Variants in PRKCH observed in about 807,000 individuals in gnomAD.
PRKCH encodes protein kinase C eta.
In PRKCH, 28 loss-of-function variants were observed where a neutral mutation model predicts 82.5. The ratio of observed to expected loss-of-function variants is 0.34; its 90% CI spans 0.25 to 0.47. The LOEUF (loss-of-function observed/expected upper bound fraction) is 0.47. Ranked by LOEUF, PRKCH falls within the 20% of genes least tolerant of loss-of-function variation. PRKCH has a pLI of 1.00. For synonymous variants in PRKCH, 322 were observed against 327.4 expected (o/e 0.98, Z 0.18); for missense variants, 705 against 881.8 (o/e 0.80, Z 2.54).
chr14:61,295,138 T>G (rs1446462356), intron 1 of PRKCH, among the ~76,000 whole-genome samples: 1 of 152,218 alleles, frequency 6.6e-6, no homozygotes, highest in Non-Finnish European at 1.5e-5. Context: ...AGTGTTGTGA[T>G]TACAGCCATG....
chr14:61,355,287 T>C (rs1283767944), intron 1 of PRKCH, among the ~76,000 whole-genome samples: 1 of 152,148 alleles, frequency 6.6e-6, no homozygotes, highest in Non-Finnish European at 1.5e-5. Context: ...ACCATTATCA[T>C]TCACCTTTTT....
intron 6 of PRKCH, chr14:61,452,830 T>A (rs926935662): frequency 3.1e-5 from 7 of 225,800 alleles, no homozygotes; most frequent in African/African-American, 1.7e-4. Flanking sequence ...ATTTCACTGT[T>A]GAGAGACAGA....
chr14:61,262,213 T>A (rs1194106938), intron 1 of PRKCH, among the ~76,000 whole-genome samples: 1 of 74,936 alleles, frequency 1.3e-5, no homozygotes, highest in African/African-American at 7.2e-5. Context: ...AGAGTGAGAC[T>A]CTGTATAAAA....
chr14:61,528,737 T>G, intron 10 of PRKCH: 3 of 170,714 alleles, frequency 1.8e-5, no homozygotes, highest in East Asian at 1.7e-4. Flanking sequence ...GAGTGGAGGA[T>G]GGGGTATAGG....
chr14:61,474,003 A>C (rs1032191409), intron 9 of PRKCH, among the ~76,000 whole-genome samples: 1 of 152,112 alleles, frequency 6.6e-6, no homozygotes, highest in African/African-American at 2.4e-5. Flanking sequence ...TAAAAAAAAA[A>C]AAAATCAAAA....
At chr14:61,224,908 C>T (rs1594860558) in intron 1 of PRKCH, among the ~76,000 whole-genome samples, 1 of 152,204 alleles carries the variant, frequency 6.6e-6, no homozygotes. Context: ...CAAACCTATG[C>T]TAAGACTGTT....
chr14:61,297,137 A>G (rs750819771), intron 1 of PRKCH, among the ~76,000 whole-genome samples: 5 of 152,216 alleles, frequency 3.3e-5, no homozygotes, highest in Non-Finnish European at 7.4e-5. Context: ...CATCTCAAAT[A>G]TGGAAAGCAC....
chr14:61,304,468 CA>C (rs1300051357), intron 1 of PRKCH: 1 of 152,100 alleles, frequency 6.6e-6, no homozygotes, highest in African/African-American at 2.4e-5. Context: ...ATATAGTTTA[CA>C]ATGAATCCTC....
At chr14:61,197,281 G>A (rs2044447943) in intron 1 of PRKCH, among the ~76,000 whole-genome samples, 1 of 152,126 alleles carries the variant, frequency 6.6e-6, no homozygotes, top group African/African-American at 2.4e-5. Context: ...ATTATTTTTT[G>A]TTGTTTGCTC....
At chr14:61,372,381 T>C (rs1228351938) in intron 1 of PRKCH, among the ~76,000 whole-genome samples, 1 of 152,146 alleles carries the variant, frequency 6.6e-6, no homozygotes, top group Non-Finnish European at 1.5e-5. Flanking sequence ...GTATCTATAT[T>C]AAGTTGAACA....
At chr14:61,532,489 T>A (rs899021760) in intron 12 of PRKCH, among the ~76,000 whole-genome samples, 2 of 152,196 alleles carry the variant, frequency 1.3e-5, no homozygotes, top group Non-Finnish European at 2.9e-5. Flanking sequence ...CCTAATTTTT[T>A]GTCTTTACAT....
At chr14:61,428,074 G>C (rs377363290) in intron 2 of PRKCH, among the ~76,000 whole-genome samples, 2,088 of 83,004 alleles carry the variant, frequency 0.025, 37 homozygotes, top group African/African-American at 0.076. Context: ...TAGATAGATA[G>C]ATACACACAC....
At chr14:61,478,169 A>G (rs779593729) in intron 9 of PRKCH, among the ~76,000 whole-genome samples, 2 of 152,232 alleles carry the variant, frequency 1.3e-5, no homozygotes, top group Non-Finnish European at 2.9e-5. Flanking sequence ...CACTTATGGT[A>G]TGCCAGACAC....
intron 6 of PRKCH, 56 bp from the exon 7 acceptor site, chr14:61,453,170 C>T: frequency 6.2e-7 from 1 of 1,603,638 alleles, no homozygotes; most frequent in South Asian, 1.1e-5. Flanking sequence ...TCTGTTGCAG[C>T]ACATGTTGAA....
intron 1 of PRKCH, among the ~76,000 whole-genome samples, chr14:61,203,073 C>T (rs1303190113): frequency 6.6e-6 from 1 of 152,030 alleles, no homozygotes; most frequent in African/African-American, 2.4e-5. Context: ...TCCTGCTTGC[C>T]CTGCATGCAT....
chr14:61,262,066 A>G (rs1037992327), intron 1 of PRKCH, among the ~76,000 whole-genome samples: 2 of 151,832 alleles, frequency 1.3e-5, no homozygotes, highest in Admixed American at 1.3e-4. Context: ...CTAAAAATAC[A>G]AAAAATTAGC....
At chr14:61,362,646 T>C (rs982963985) in intron 1 of PRKCH, among the ~76,000 whole-genome samples, 2 of 152,232 alleles carry the variant, frequency 1.3e-5, no homozygotes, top group African/African-American at 4.8e-5. Flanking sequence ...TAGGATACTA[T>C]GCAGTGATCA....
Position 61,280,168 on chromosome 14 carries a change from AG to A in PRKCH, c.-19+92503del. The A allele has an allele frequency of 6.2e-7, 1 of 1,614,126 alleles. No homozygotes were observed. Among genetic ancestry groups the A allele is most frequent in the Non-Finnish European group, 8.5e-7 (1 of 1,180,016 alleles). On this transcript the variant is annotated intron_variant, in intron 1 of 3. Coordinates refer to the PRKCH transcript ENST00000555185. The surrounding 1 kb of genome is among the most constrained non-coding windows in gnomAD (Gnocchi z 5.0). Reference sequence around the variant, plus strand: ...CATGACAAAGCCGGTGAGGATGCAGAGGGAGCCGACGACCAGGTAGGCGATG... The same window carrying A: ...CATGACAAAGCCGGTGAGGATGCAGAGGAGCCGACGACCAGGTAGGCGATG...
intron 1 of PRKCH, among the ~76,000 whole-genome samples, chr14:61,200,333 A>C (rs35942174): frequency 0.24 from 36,929 of 152,036 alleles, 4,964 homozygotes; most frequent in Admixed American, 0.37. Context: ...CTACCAGTCC[A>C]CTGGGTTTCA....
Sources: gnomAD v4.1 joint callset for allele counts (sites outside exome capture counted in the v4.1 genomes callset) on GRCh38, gnomAD v4.1.1 for gene constraint, Gnocchi (gnomAD v3.1) non-coding constraint, MANE v1.5 for transcripts, NCBI Gene and HGNC (gene_info 2026-07-23, HGNC 2026-07-21) for gene names.